The following DSE variants were observed in gnomAD, a reference collection of about 807,000 sequenced individuals.
DSE encodes the protein dermatan-sulfate epimerase.
Under a neutral mutation model 84.4 loss-of-function variants are expected in DSE, and 36 were observed. The observed-to-expected ratio is 0.43, with a 90% confidence interval of 0.33 to 0.56. The LOEUF is 0.56. DSE is among the 20% of genes least tolerant of loss of function. The pLI is 0.06. For synonymous variants in DSE, 410 were observed against 430.1 expected (o/e 0.95, Z 0.58); for missense variants, 862 against 1,169.6 (o/e 0.74, Z 3.84).
intron 2 of DSE, chr6:116,279,660 G>A: frequency 1.2e-6 from 2 of 1,606,824 alleles, no homozygotes; most frequent in Non-Finnish European, 1.7e-6. Flanking sequence ...GCGGGAGCGC[G>A]ACGGTCTCCG....
intron 2 of DSE, among the ~76,000 whole-genome samples, chr6:116,269,089 A>T (rs1224890441): frequency 6.6e-6 from 1 of 152,102 alleles, no homozygotes; most frequent in Non-Finnish European, 1.5e-5. Flanking sequence ...CCAGAGACAA[A>T]GGCTCTGACC....
At chr6:116,337,677 T>C (rs1777333207) in intron 2 of DSE, among the ~76,000 whole-genome samples, 1 of 152,154 alleles carries the variant, frequency 6.6e-6, no homozygotes, top group Admixed American at 6.5e-5. Flanking sequence ...TTAATCCAGA[T>C]AAATTGAAAA....
chr6:116,268,691 A>G (rs921979644), intron 2 of DSE, among the ~76,000 whole-genome samples: 5 of 152,184 alleles, frequency 3.3e-5, no homozygotes, highest in African/African-American at 1.2e-4. Context: ...GGAGGTATGC[A>G]TATACATTGA....
At chr6:116,336,152 G>C (rs1240616620) in intron 2 of DSE, among the ~76,000 whole-genome samples, 1 of 152,208 alleles carries the variant, frequency 6.6e-6, no homozygotes, top group Admixed American at 6.5e-5. Flanking sequence ...TACATTTAAT[G>C]TAAATCTGTT....
intron 2 of DSE, chr6:116,277,771 G>C (rs1456169747): frequency 6.6e-6 from 1 of 151,962 alleles, no homozygotes; most frequent in Non-Finnish European, 1.5e-5. Context: ...GCGTGGCGGC[G>C]CGCGCCTGTA....
At chr6:116,355,941 C>T (rs966236251) in intron 2 of DSE, 99 of 152,190 alleles carry the variant, frequency 6.5e-4, no homozygotes, top group African/African-American at 2.3e-3. Context: ...TTGAAATCTT[C>T]CAGCTCACAT....
chr6:116,257,729 G>A (rs1233377778), intron 1 of DSE, among the ~76,000 whole-genome samples: 1 of 152,032 alleles, frequency 6.6e-6, no homozygotes, highest in Non-Finnish European at 1.5e-5. Flanking sequence ...GATCTCTCTG[G>A]GGTTTCTTTT....
rs903601491 is a variant in DSE at position 116,437,365 on chromosome 6, C to G, written c.*20C>G. 1 of 1,546,126 alleles carries G rather than the reference C, an allele frequency of 6.5e-7. No individual in the cohort carries two copies. Among genetic ancestry groups the G allele is most frequent in the Non-Finnish European group, 8.7e-7 (1 of 1,149,916 alleles). On this transcript the variant is annotated 3_prime_UTR_variant, in exon 6 of 6. Transcript: ENST00000644252. ...TGTTAGCACTGAAGCTATAAATTAC[C>G]TGGTCATTTTGTGATCACAAGAGTC...
At chr6:116,382,705 A>G (rs1475795631) in intron 1 of DSE, among the ~76,000 whole-genome samples, 3 of 152,178 alleles carry the variant, frequency 2.0e-5, no homozygotes, top group Admixed American at 1.3e-4. Flanking sequence ...TGAAGTGTCA[A>G]TGGTAAGGAT....
chr6:116,301,887 T>G (rs935935494), intron 2 of DSE, among the ~76,000 whole-genome samples: 60 of 152,186 alleles, frequency 3.9e-4, no homozygotes, highest in Non-Finnish European at 1.0e-4. Context: ...CATGCGGTGT[T>G]TGGTTTTCTA....
At position 116,259,350 on chromosome 6, in the gene DSE, C is replaced by T. The variant is rs73767704; in HGVS notation, c.-54+383C>T. 6.4e-3 allele frequency: 2,703 copies of T among 424,094 alleles called. 76 individuals carry two copies. The highest frequency in any genetic ancestry group is 0.05 in the African/African-American group (2,485 of 50,172). The allele number at this position is 424,094 out of a possible 1,614,324, so 26.3% of individuals were successfully genotyped here. ...AGTGTATGAAACTACTGATGCAACT[C>T]GATATAGGTGTATGGTACTAGAGAC... On this transcript the variant is annotated intron_variant, in intron 2 of 3. Coordinates refer to the DSE transcript ENST00000430252.
chr6:116,360,930 C>G (rs1375262847), intron 2 of DSE, among the ~76,000 whole-genome samples: 2 of 152,068 alleles, frequency 1.3e-5, no homozygotes, highest in Non-Finnish European at 2.9e-5. Flanking sequence ...ATTTGGGATA[C>G]ATTTTTTAAG....
At chr6:116,312,932 A>T (rs1232653491) in intron 2 of DSE, among the ~76,000 whole-genome samples, 1 of 152,284 alleles carries the variant, frequency 6.6e-6, no homozygotes, top group East Asian at 1.9e-4. Flanking sequence ...CAAGAGATTA[A>T]TGAGTGAGGG....
chr6:116,372,051 G>C (rs1349080322), intron 1 of DSE, among the ~76,000 whole-genome samples: 1 of 152,162 alleles, frequency 6.6e-6, no homozygotes, highest in Non-Finnish European at 1.5e-5. Flanking sequence ...TTTTTCGTTG[G>C]TCATGGTTTA....
chr6:116,296,919 A>T (rs1399151601), intron 2 of DSE, among the ~76,000 whole-genome samples: 1 of 151,668 alleles, frequency 6.6e-6, no homozygotes, highest in East Asian at 1.9e-4. Context: ...GCTTTGGAAA[A>T]ATCATTTGCG....
chr6:116,358,105 G>A (rs1387029854), intron 2 of DSE, among the ~76,000 whole-genome samples: 4 of 152,198 alleles, frequency 2.6e-5, no homozygotes, highest in African/African-American at 9.7e-5. Context: ...GCTGGAAGAA[G>A]GCAGGCAAGT....
intron 2 of DSE, among the ~76,000 whole-genome samples, chr6:116,317,191 A>G (rs73767737): frequency 0.078 from 11,805 of 152,196 alleles, 868 homozygotes; most frequent in African/African-American, 0.19. Flanking sequence ...TAGAGGAGTC[A>G]CTCATCTCAT....
chr6:116,285,571 T>G (rs1459662656), intron 2 of DSE, among the ~76,000 whole-genome samples: 1 of 152,220 alleles, frequency 6.6e-6, no homozygotes, highest in African/African-American at 2.4e-5. Flanking sequence ...TTGCTTTTGG[T>G]GTTTTAGTCA....
chr6:116,276,227 G>C (rs1773137426), intron 2 of DSE, among the ~76,000 whole-genome samples: 1 of 152,170 alleles, frequency 6.6e-6, no homozygotes, highest in African/African-American at 2.4e-5. Flanking sequence ...AGAAAAAAAG[G>C]AAGTTTTTAC....
Sources: allele counts gnomAD v4.1 joint callset (sites outside exome capture counted in the v4.1 genomes callset), GRCh38; gene constraint gnomAD v4.1.1; transcripts MANE v1.5; gene names NCBI Gene and HGNC (gene_info 2026-07-23, HGNC 2026-07-21).